SLC10A1: variants seen among roughly 807,000 people sequenced by gnomAD.
SLC10A1 encodes the protein hepatic sodium/bile acid cotransporter.
SLC10A1 carries 36 observed loss-of-function variants against 20.5 expected under a neutral mutation model. The ratio of observed to expected loss-of-function variants is 1.75; its 90% CI spans 1.34 to 2.32. The LOEUF is 2.32. SLC10A1 is among the 30% of genes most tolerant of loss of function. The pLI, the probability that SLC10A1 is intolerant of heterozygous loss-of-function variation, is 0.00. For missense variants in SLC10A1, 545 were observed against 439.1 expected (o/e 1.24, Z -2.16); for synonymous variants, 188 against 163.6 (o/e 1.15, Z -1.14).
intron 2 of SLC10A1, among the ~76,000 whole-genome samples, chr14:69,785,164 A>T (rs1279870344): frequency 1.3e-5 from 2 of 152,102 alleles, no homozygotes; most frequent in African/African-American, 4.8e-5. Flanking sequence ...GCCAAGGGGG[A>T]GGCTGGCAGG....
At chr14:69,783,610 G>A (rs139417361) in intron 2 of SLC10A1, among the ~76,000 whole-genome samples, 177 of 152,312 alleles carry the variant, frequency 1.2e-3, no homozygotes, top group African/African-American at 4.0e-3. Context: ...ACCAAATCAA[G>A]AAGTGCCACA....
chr14:69,788,951 G>A (rs546727837), intron 1 of SLC10A1, among the ~76,000 whole-genome samples: 97 of 152,314 alleles, frequency 6.4e-4, no homozygotes, highest in Admixed American at 2.0e-4. Context: ...TGGCTAATGA[G>A]CACATGAAAA....
chr14:69,783,297 T>G (rs749246230), intron 2 of SLC10A1, among the ~76,000 whole-genome samples: 1 of 150,936 alleles, frequency 6.6e-6, no homozygotes, highest in Non-Finnish European at 1.5e-5. Context: ...TGGTCTTGCT[T>G]CTTGATAAAT....
At position 69,797,113 on chromosome 14, in the gene SLC10A1, G is replaced by C; in HGVS notation, c.43C>G (p.Pro15Ala). 1 of 1,613,964 alleles carries C rather than the reference G, an allele frequency of 6.2e-7. No homozygotes were observed. ...NASAPFNFTLPPNFGKRPTDL... is the reference protein window; with the variant it reads ...NASAPFNFTLAPNFGKRPTDL... ...GTGGGGCGCTTGCCAAAGTTGGGTG[G>C]CAGGGTGAAGTTGAATGGGGCAGAC... The change falls in exon 1 of 5, where the codon CCA (proline) becomes GCA (alanine). Residue 15 changes from proline to alanine, a missense_variant. By Grantham distance (27) the Pro-to-Ala change is conservative. Coordinates refer to ENST00000216540, the MANE Select transcript of SLC10A1 (RefSeq NM_003049.4).
At chr14:69,795,225 T>A (rs1256037654) in intron 1 of SLC10A1, among the ~76,000 whole-genome samples, 1 of 152,112 alleles carries the variant, frequency 6.6e-6, no homozygotes, top group African/African-American at 2.4e-5. Flanking sequence ...GTGAGGTAGT[T>A]GAACATTGAA....
rs1223873886 is a variant in SLC10A1 at position 69,790,504 on chromosome 14, TTAGA to T, written c.357-4201_357-4198del. Among the ~76,000 whole-genome samples the T allele has an allele frequency of 8.9e-4, 136 of 152,204 alleles. 1 individual carries two copies. Among genetic ancestry groups the T allele is most frequent in the African/African-American group, 3.0e-3 (126 of 41,572 alleles). On this transcript the variant is annotated intron_variant, in intron 1 of 4. Transcript: ENST00000216540. ...CAAGATGAGTAAGAATGATTTAACATTAGATAATCTATTAATACATATTACTATA... is the reference window on the plus strand; with the variant it reads ...CAAGATGAGTAAGAATGATTTAACATTAATCTATTAATACATATTACTATA...
intron 1 of SLC10A1, among the ~76,000 whole-genome samples, chr14:69,787,514 T>A (rs1048936897): frequency 1.3e-5 from 2 of 152,260 alleles, no homozygotes; most frequent in Admixed American, 1.3e-4. Flanking sequence ...TACACTTCTT[T>A]CATTATTTCT....
At chr14:69,796,646 C>G (rs1308129583) in intron 1 of SLC10A1, among the ~76,000 whole-genome samples, 154 bp downstream of exon 1, 1 of 152,210 alleles carries the variant, frequency 6.6e-6, no homozygotes, top group African/African-American at 2.4e-5. Flanking sequence ...CCAGCATAAG[C>G]TCTTGGCAAT....
intron 2 of SLC10A1, 46 bp from the exon 3 acceptor site, chr14:69,779,406 A>AG (rs769016005): frequency 5.4e-6 from 8 of 1,484,768 alleles, no homozygotes; most frequent in Non-Finnish European, 6.4e-6. Flanking sequence ...TTGGGGATAG[A>AG]GAGGAACAGA....
At chr14:69,788,469 C>T (rs1883772959) in intron 1 of SLC10A1, among the ~76,000 whole-genome samples, 1 of 151,238 alleles carries the variant, frequency 6.6e-6, no homozygotes, top group African/African-American at 2.4e-5. Context: ...AGTGAAAAGC[C>T]AACAAGAGAA....
intron 2 of SLC10A1, among the ~76,000 whole-genome samples, chr14:69,781,212 C>A (rs1364023797): frequency 1.3e-5 from 2 of 152,202 alleles, no homozygotes; most frequent in African/African-American, 4.8e-5. Context: ...CTAGAGGTTC[C>A]TGTCACTCTC....
intron 2 of SLC10A1, among the ~76,000 whole-genome samples, chr14:69,783,257 G>A (rs1021720066): frequency 1.6e-4 from 25 of 151,842 alleles, no homozygotes; most frequent in African/African-American, 6.1e-4. Context: ...GATAGGTGCT[G>A]TGGATTCAGT....
chr14:69,790,654 C>G (rs1192539792), intron 1 of SLC10A1, among the ~76,000 whole-genome samples: 1 of 151,878 alleles, frequency 6.6e-6, no homozygotes, highest in Non-Finnish European at 1.5e-5. Context: ...GAAAGGAAAT[C>G]TATTAGAAAA....
chr14:69,779,499 ATCT>A (rs139537133), intron 2 of SLC10A1, 139 bp from the exon 3 acceptor site: 79,229 of 589,724 alleles, frequency 0.13, 6,856 homozygotes, highest in Admixed American at 0.2. Flanking sequence ...AAAGACCTTT[ATCT>A]TCTTTTTGGA....
At chr14:69,787,846 AAAGT>A (rs1165960978) in intron 1 of SLC10A1, among the ~76,000 whole-genome samples, 1 of 152,098 alleles carries the variant, frequency 6.6e-6, no homozygotes, top group Admixed American at 6.5e-5. Context: ...CCTGGGCAAC[AAAGT>A]AAGACCCCTG....
intron 1 of SLC10A1, among the ~76,000 whole-genome samples, chr14:69,787,345 A>C (rs148637574): frequency 6.6e-6 from 1 of 152,222 alleles, no homozygotes; most frequent in African/African-American, 2.4e-5. Context: ...AAGGAAGCTG[A>C]TAGGGCATCT....
rs74061434 is a variant in SLC10A1 at position 69,782,381 on chromosome 14, A to G, written c.568-3021T>C. ...TGGCATTGAGTAGTGAATGTGCAAC[A>G]CAACAGGAACAGACTGGTTGAAATA... On this transcript the variant is annotated intron_variant, in intron 2 of 4. Coordinates refer to ENST00000216540, the MANE Select transcript of SLC10A1 (RefSeq NM_003049.4). Among the ~76,000 whole-genome samples the G allele has an allele frequency of 5.4e-3, 827 of 152,340 alleles. 2 individuals are homozygous for G. Among genetic ancestry groups the G allele is most frequent in the African/African-American group, 0.019 (773 of 41,576 alleles).
At chr14:69,792,049 T>C (rs1882284959) in intron 1 of SLC10A1, among the ~76,000 whole-genome samples, 1 of 151,968 alleles carries the variant, frequency 6.6e-6, no homozygotes, top group Admixed American at 6.6e-5. Context: ...CCTCCTGGGT[T>C]CAAGTGATTC....
chr14:69,783,034 A>G (rs1883632764), intron 2 of SLC10A1, among the ~76,000 whole-genome samples: 2 of 152,178 alleles, frequency 1.3e-5, no homozygotes. Flanking sequence ...TTTATATTTT[A>G]TATGCATTTC....
Sources: allele counts gnomAD v4.1 joint callset (sites outside exome capture counted in the v4.1 genomes callset), GRCh38; gene constraint gnomAD v4.1.1; transcripts MANE v1.5; gene names NCBI Gene and HGNC (gene_info 2026-07-23, HGNC 2026-07-21).